The following OR1F1 variants were observed in gnomAD, a reference collection of about 807,000 sequenced individuals.
The protein encoded by OR1F1 is olfactory receptor 1F1.
For missense variants in OR1F1, 493 were observed against 376.3 expected (o/e 1.31, Z -2.57); for synonymous variants, 184 against 156.7 (o/e 1.17, Z -1.30).
chr16:3,195,522 A>G, the OR1F1 span, among the ~76,000 whole-genome samples: 1 of 151,996 alleles, frequency 6.6e-6, no homozygotes, highest in South Asian at 2.1e-4. Flanking sequence ...TCTACTAAAA[A>G]TACAAAAATA....
upstream of OR1F1, among the ~76,000 whole-genome samples, chr16:3,201,538 A>G (rs1297971208): frequency 1.3e-5 from 2 of 152,180 alleles, no homozygotes; most frequent in Non-Finnish European, 2.9e-5. Flanking sequence ...GGGAATTCCT[A>G]TCCTCCTCCA....
chr16:3,193,963 A>C, the OR1F1 span, among the ~76,000 whole-genome samples: 3 of 152,136 alleles, frequency 2.0e-5, no homozygotes, highest in African/African-American at 7.2e-5. Flanking sequence ...TAAGCCAGGG[A>C]TTGTGGGTTC....
chr16:3,197,741 AGGAGAG>A, the OR1F1 span, among the ~76,000 whole-genome samples: 4 of 68,016 alleles, frequency 5.9e-5, no homozygotes, highest in Non-Finnish European at 3.0e-5. Context: ...GAGAGGGAGA[AGGAGAG>A]GGAGAGGGAG....
chr16:3,202,665 A>T (rs1252950304), upstream of OR1F1, among the ~76,000 whole-genome samples: 1 of 79,608 alleles, frequency 1.3e-5, no homozygotes, highest in Non-Finnish European at 2.1e-5. Context: ...TCTCAAAATA[A>T]TAATAATAAT....
the OR1F1 span, among the ~76,000 whole-genome samples, chr16:3,190,638 G>C: frequency 6.6e-6 from 1 of 151,208 alleles, no homozygotes; most frequent in Admixed American, 6.6e-5. Flanking sequence ...GTAATCCCAG[G>C]TACTAGGAAG....
chr16:3,196,040 T>A, the OR1F1 span, among the ~76,000 whole-genome samples: 1 of 152,248 alleles, frequency 6.6e-6, no homozygotes, highest in Non-Finnish European at 1.5e-5. Flanking sequence ...GGACTTTCTC[T>A]TCTCCTGGGA....
At chr16:3,191,578 G>A in the OR1F1 span, among the ~76,000 whole-genome samples, 1 of 150,362 alleles carries the variant, frequency 6.7e-6, no homozygotes, top group Non-Finnish European at 1.5e-5. Context: ...TGGGCGACTT[G>A]TTTTCTTCCT....
the OR1F1 span, among the ~76,000 whole-genome samples, chr16:3,192,047 T>A: frequency 6.6e-6 from 1 of 152,038 alleles, no homozygotes; most frequent in Admixed American, 6.5e-5. Flanking sequence ...CGGGTTCAAA[T>A]CCCGGACGAG....
the OR1F1 span, chr16:3,189,678 G>C: frequency 6.6e-6 from 1 of 151,874 alleles, no homozygotes; most frequent in Non-Finnish European, 1.5e-5. Context: ...GGTGCGAGAG[G>C]TCCCGGGTTC....
chr16:3,189,785 G>A, the OR1F1 span: 7 of 152,082 alleles, frequency 4.6e-5, no homozygotes, highest in African/African-American at 1.7e-4. Flanking sequence ...GCAGGACGTG[G>A]ACGCCCTGCA....
exon 1 of OR1F1, chr16:3,204,423 G>A (rs1329096009): frequency 6.2e-7 from 1 of 1,614,076 alleles, no homozygotes; most frequent in African/African-American, 1.3e-5. Context: ...ACACCCCCAT[G>A]TACTTCTTCC....
chr16:3,197,553 C>T, the OR1F1 span, among the ~76,000 whole-genome samples: 1 of 112,642 alleles, frequency 8.9e-6, no homozygotes, highest in Non-Finnish European at 1.8e-5. Context: ...CAGCGCAGTC[C>T]TACATCTGAC....
At chr16:3,200,172 G>C (rs553205964), upstream of OR1F1, among the ~76,000 whole-genome samples, 14 of 152,280 alleles carry the variant, frequency 9.2e-5, no homozygotes, top group East Asian at 2.3e-3. Context: ...TTCATAAGGA[G>C]ATGAGAGAGG....
chr16:3,201,195 C>G (rs1958131190), upstream of OR1F1, among the ~76,000 whole-genome samples: 1 of 152,166 alleles, frequency 6.6e-6, no homozygotes, highest in African/African-American at 2.4e-5. Flanking sequence ...TCATAAGGAT[C>G]TACCACATTT....
At chr16:3,198,873 C>A in the OR1F1 span, among the ~76,000 whole-genome samples, 1 of 151,910 alleles carries the variant, frequency 6.6e-6, no homozygotes, top group African/African-American at 2.4e-5. Context: ...GGGAGGATCG[C>A]TTGAGCCCAG....
At chr16:3,192,032 G>A in the OR1F1 span, among the ~76,000 whole-genome samples, 3 of 152,258 alleles carry the variant, frequency 2.0e-5, no homozygotes, top group East Asian at 1.9e-4. Flanking sequence ...GGATGCGAGA[G>A]GTCCCGGGTT....
At position 3,204,485 on chromosome 16, in the gene OR1F1, A is replaced by G. The variant is rs889790683; in HGVS notation, c.239A>G (p.Lys80Arg). The change falls in exon 1 of 1, where the codon AAG becomes AGG. Residue 80 changes from lysine to arginine, a missense_variant. Transcript: ENST00000304646. ...TGCTTCTCCTTCACCACCGTCCCCA[A>G]GATGCTGGCCAATCACATACTCGAG... is the stretch of plus-strand genomic sequence containing the variant. The G allele has an allele frequency of 1.9e-6, 3 of 1,614,052 alleles. No homozygotes were observed. The highest frequency in any genetic ancestry group is 1.3e-5 in the African/African-American group (1 of 75,002).
chr16:3,204,962 C>T (rs1359831274), exon 1 of OR1F1: 3 of 1,614,126 alleles, frequency 1.9e-6, no homozygotes, highest in Non-Finnish European at 2.5e-6. Flanking sequence ...AAAGCCTTCT[C>T]CACCTGTGGT....
chr16:3,194,089 G>A, the OR1F1 span, among the ~76,000 whole-genome samples: 23 of 152,240 alleles, frequency 1.5e-4, no homozygotes, highest in South Asian at 4.1e-4. Context: ...GCAAGAATAA[G>A]AAGAAACGGC....
Sources: allele counts gnomAD v4.1 joint callset (sites outside exome capture counted in the v4.1 genomes callset), GRCh38; gene constraint gnomAD v4.1.1; transcripts MANE v1.5; gene names NCBI Gene and HGNC (gene_info 2026-07-23, HGNC 2026-07-21).